STK4: variants seen among roughly 807,000 people sequenced by gnomAD.
The protein encoded by STK4 is serine/threonine-protein kinase 4.
A neutral mutation model predicts 64.9 loss-of-function variants in STK4; 30 were observed. That is an observed-to-expected ratio of 0.46 (90% CI 0.35 to 0.63). The LOEUF is 0.63. STK4 is among the 20% of genes least tolerant of loss of function. The pLI is 0.01. For synonymous variants in STK4, 177 were observed against 199.0 expected, an observed-to-expected ratio of 0.89 and a Z score of 0.93; for missense variants, 466 against 598.5, an observed-to-expected ratio of 0.78 and a Z score of 2.31.
At chr20:45,018,726 T>C (rs985420447) in intron 9 of STK4, among the ~76,000 whole-genome samples, 49 of 91,768 alleles carry the variant, frequency 5.3e-4, no homozygotes, top group Non-Finnish European at 9.5e-4. Flanking sequence ...AAAGTTCTAC[T>C]TTTTTTTTTT....
intron 3 of STK4, 60 bp from the exon 4 acceptor site, chr20:44,981,769 C>A: frequency 1.0e-6 from 1 of 979,486 alleles, no homozygotes; most frequent in Non-Finnish European, 1.6e-6. Context: ...TACTTGCTAG[C>A]ATGAATTAAG....
chr20:44,985,282 A>G (rs926292107), intron 4 of STK4, among the ~76,000 whole-genome samples: 2 of 152,224 alleles, frequency 1.3e-5, no homozygotes, highest in African/African-American at 2.4e-5. Flanking sequence ...AGTTGTTATA[A>G]GGATGAAATG....
At chr20:45,060,126 A>G (rs995019954) in intron 10 of STK4, among the ~76,000 whole-genome samples, 1 of 152,194 alleles carries the variant, frequency 6.6e-6, no homozygotes, top group African/African-American at 2.4e-5. Context: ...AGAAAAAGAT[A>G]CAGGATTGAG....
At chr20:44,980,531 C>T (rs920891670) in intron 3 of STK4, among the ~76,000 whole-genome samples, 1 of 152,144 alleles carries the variant, frequency 6.6e-6, no homozygotes, top group Non-Finnish European at 1.5e-5. Context: ...ACCTAAAATT[C>T]CAGGTTTGAT....
In STK4 at chr20:45,000,444, A is replaced by G. The variant is rs1277742961; in HGVS notation, c.884A>G (p.Asn295Ser). Residue 295 changes from asparagine to serine, a missense_variant, in exon 8 of 11, where the codon AAT becomes AGT. By Grantham distance (46) the Asn-to-Ser change is conservative. This residue lies in a region of STK4 where 276 missense variants were observed against 308.9 expected (regional missense o/e 0.89). Transcript: ENST00000372806. The part of the protein sequence containing the change: ...KGVSILRDLI[N>S]EAMDVKLKRQ... The stretch of plus-strand genomic sequence containing the variant: ...GTGTCAATACTGCGAGACTTAATTA[A>G]TGAAGCCATGGATGTGAAACTGAAA... 3 of 1,613,928 alleles carry G rather than the reference A, an allele frequency of 1.9e-6. No individual in the cohort carries two copies. Among genetic ancestry groups the G allele is most frequent in the Non-Finnish European group, 1.7e-6 (2 of 1,179,952 alleles).
chr20:45,012,799 C>T (rs7271352), intron 9 of STK4, among the ~76,000 whole-genome samples: 92,783 of 115,042 alleles, frequency 0.81, 35,486 homozygotes, highest in East Asian at 0.98. Context: ...TCTTCTTCTT[C>T]TTTTTTTTTT....
chr20:45,032,958 G>A (rs1253879731), intron 10 of STK4, among the ~76,000 whole-genome samples: 2 of 152,118 alleles, frequency 1.3e-5, no homozygotes, highest in African/African-American at 4.8e-5. Flanking sequence ...TCTAATAATA[G>A]CCATTCTGAC....
At chr20:44,994,353 A>C (rs1018790901) in intron 5 of STK4, among the ~76,000 whole-genome samples, 2 of 151,068 alleles carry the variant, frequency 1.3e-5, no homozygotes, top group African/African-American at 2.4e-5. Context: ...TTGTTTTATT[A>C]TTGTTATGAT....
rs2067376775 is a variant in STK4, at chr20:44,978,443, G to T, written c.117G>T (p.Gly39=). The T allele has an allele frequency of 6.2e-7, 1 of 1,612,704 alleles. No homozygotes were observed. Among genetic ancestry groups the T allele is most frequent in the South Asian group, 1.1e-5 (1 of 90,840 alleles). ...VFDVLEKLGE[G]SYGSVYKAIH... is the part of the protein sequence containing the mutation. The stretch of plus-strand genomic sequence containing the variant: ...TGTTCTTCTTCTCCCAAATGTATAG[G>T]TCCTATGGCAGCGTATACAAAGCTA... The change falls in exon 3 of 11, where the codon GGG becomes GGT. Residue 39 remains glycine, a splice_region_variant and synonymous_variant. Transcript: ENST00000372806.
intron 9 of STK4, among the ~76,000 whole-genome samples, chr20:45,009,200 C>T (rs1479901479): frequency 1.3e-5 from 2 of 152,114 alleles, no homozygotes; most frequent in East Asian, 3.8e-4. Context: ...TCCATCTTCA[C>T]TTAATTTTTA....
intron 9 of STK4, chr20:45,007,841 A>G (rs78381007): frequency 2.4e-6 from 1 of 411,534 alleles, no homozygotes; most frequent in African/African-American, 2.1e-5. Context: ...TACCCAGGTA[A>G]TGAGCATAGG....
In STK4 at chr20:44,977,873, G is replaced by T. The variant is rs1219657375; in HGVS notation, c.117-570G>T. Among the ~76,000 whole-genome samples, 15 of 152,172 alleles carry T rather than the reference G, an allele frequency of 9.9e-5. No homozygotes were observed. The South Asian group carries it at 3.1e-3, about 32-fold the overall frequency. On this transcript the variant is annotated intron_variant, in intron 2 of 10. Transcript: ENST00000372806. ...GTATTATTGTAAGTAAGAGGAGCAA[G>T]GACAGAAAGATCTTGTGGTACTAGA...
At chr20:44,978,345 G>A in intron 2 of STK4, 98 bp from the exon 3 acceptor site, 3 of 1,419,892 alleles carry the variant, frequency 2.1e-6, no homozygotes, top group Non-Finnish European at 1.9e-6. Context: ...AGGCACTTAG[G>A]GATATATGTT....
chr20:45,023,187 G>T (rs910134134), intron 9 of STK4, among the ~76,000 whole-genome samples: 7 of 152,136 alleles, frequency 4.6e-5, no homozygotes, highest in African/African-American at 1.7e-4. Flanking sequence ...CCATATACTT[G>T]CTGATTGGTC....
intron 10 of STK4, among the ~76,000 whole-genome samples, chr20:45,061,838 GTATT>G (rs1463785871): frequency 6.9e-6 from 1 of 145,306 alleles, no homozygotes; most frequent in Non-Finnish European, 1.5e-5. Flanking sequence ...AGAACATGCA[GTATT>G]TGTTTTTCTT....
chr20:45,003,225 C>T (rs1284002473), intron 9 of STK4, among the ~76,000 whole-genome samples: 1 of 151,970 alleles, frequency 6.6e-6, no homozygotes, highest in Non-Finnish European at 1.5e-5. Flanking sequence ...TGGTTTTGGG[C>T]TCCTGGTCTT....
intron 10 of STK4, among the ~76,000 whole-genome samples, chr20:45,043,249 T>A (rs2068641810): frequency 1.3e-5 from 2 of 152,266 alleles, no homozygotes; most frequent in Non-Finnish European, 2.9e-5. Context: ...TTATCCAGTC[T>A]ATCATTGATG....
At chr20:45,021,268 A>C (rs1476020243) in intron 9 of STK4, among the ~76,000 whole-genome samples, 2 of 152,210 alleles carry the variant, frequency 1.3e-5, no homozygotes, top group East Asian at 3.9e-4. Flanking sequence ...CCATTTTTAA[A>C]AACAATTTAT....
In STK4 at chr20:45,025,028, A is replaced by G. The variant is rs769387276; in HGVS notation, c.1203A>G (p.Gln401=). ...AKPSFLEYFE[Q]KEKENQINSF... ...CATCCTTTCTTGAATATTTTGAACA[A>G]AAAGAAAAGGAAAACCAGATCAACA... The change falls in exon 10 of 11, where the codon CAA becomes CAG. Residue 401 remains glutamine, a synonymous_variant. Coordinates refer to ENST00000372806, the MANE Select transcript of STK4 (RefSeq NM_006282.5). 6.2e-7 allele frequency: 1 copy of G among 1,613,620 alleles called. No individual in the cohort carries two copies. Among genetic ancestry groups the G allele is most frequent in the Non-Finnish European group, 8.5e-7 (1 of 1,179,772 alleles).
Sources: allele counts gnomAD v4.1 joint callset (sites outside exome capture counted in the v4.1 genomes callset), GRCh38; gene constraint gnomAD v4.1.1; regional missense constraint gnomAD v4.1.1; transcripts MANE v1.5; gene names NCBI Gene and HGNC (gene_info 2026-07-23, HGNC 2026-07-21).